ANKRD11: variants seen among roughly 807,000 people sequenced by gnomAD.
ANKRD11 encodes the protein ankyrin repeat domain-containing protein 11.
Under a neutral mutation model 195.7 loss-of-function variants are expected in ANKRD11, and 17 were observed. The observed-to-expected ratio is 0.09, with a 90% CI of 0.06 to 0.13. The LOEUF (loss-of-function observed/expected upper bound fraction) is 0.13, where lower values mean the gene tolerates loss of function less well. Among genes scored for constraint, ANKRD11 ranks in the 10% least tolerant of loss-of-function variants. The pLI, the probability that ANKRD11 is intolerant of heterozygous loss-of-function variation, is 1.00. For synonymous variants in ANKRD11, 1,953 were observed against 1,528.1 expected, an observed-to-expected ratio of 1.28 and a Z score of -6.49; for missense variants, 3,735 against 3,566.1, an observed-to-expected ratio of 1.05 and a Z score of -1.21.
intron 2 of ANKRD11, among the ~76,000 whole-genome samples, chr16:89,409,438 C>T (rs1038189382): frequency 6.6e-6 from 1 of 152,164 alleles, no homozygotes; most frequent in East Asian, 1.9e-4. Context: ...TCCTGTGGGT[C>T]GTCTTGTGCA....
chr16:89,383,426 G>A (rs2040751998), intron 2 of ANKRD11, among the ~76,000 whole-genome samples: 1 of 152,236 alleles, frequency 6.6e-6, no homozygotes, highest in South Asian at 2.1e-4. Context: ...CTGGGAGAAT[G>A]TGAGTTCAGA....
Position 89,291,222 on chromosome 16 carries a change from A to C in ANKRD11, c.227-39T>G, listed in dbSNP as rs368617666. ...GAGGGAGAGAGGGAGGAGAGATTTC[A>C]TGCCATGGTGTCCTCCAAAGCTAGG... is the stretch of plus-strand genomic sequence containing the variant. On this transcript the variant is annotated intron_variant, in intron 4 of 12. Coordinates refer to ENST00000301030, the MANE Select transcript of ANKRD11 (RefSeq NM_013275.6). The surrounding 1 kb of genome is among the most constrained non-coding windows in gnomAD (Gnocchi z 5.3). 1.1e-5 allele frequency: 18 copies of C among 1,608,778 alleles called. No homozygotes were observed. The highest frequency in any genetic ancestry group is 1.4e-5 in the Non-Finnish European group (17 of 1,179,572).
At chr16:89,383,612 C>G (rs570837983) in intron 2 of ANKRD11, among the ~76,000 whole-genome samples, 1 of 152,160 alleles carries the variant, frequency 6.6e-6, no homozygotes, top group South Asian at 2.1e-4. Context: ...CATGGTGTCA[C>G]GTCGAGCCCC....
rs1176834554 is a variant in ANKRD11, at chr16:89,287,826, G to A, written c.744+702C>T. ...GTGGGCTCCAGGACCTCCAGCAATG[G>A]CCAGGCTGGGCTTGCTGCAGAGGAG... On this transcript the variant is annotated intron_variant, in intron 7 of 12. Transcript: ENST00000301030. 10 of 234,122 alleles carry A rather than the reference G, an allele frequency of 4.3e-5. 1 individual carries two copies. The Admixed American group carries it at 5.0e-4, about 12-fold the overall frequency. The allele number at this position is 234,122 out of a possible 1,614,324, so 14.5% of individuals were successfully genotyped here. A position where few individuals can be genotyped will look rare whatever the true frequency, so the allele number is the denominator to read the frequency against.
At position 89,282,778 on chromosome 16, in the gene ANKRD11, T is replaced by A; in HGVS notation, c.3764A>T (p.Lys1255Ile). 6.2e-7 allele frequency: 1 copy of A among 1,612,682 alleles called. No homozygotes were observed. Among genetic ancestry groups the A allele is most frequent in the Non-Finnish European group, 8.5e-7 (1 of 1,180,016 alleles). ...KHAAEDKAKSKHKEKSDKEHS... is the reference protein window; with the variant it reads ...KHAAEDKAKSIHKEKSDKEHS... ...TTCTTTGTCCGACTTCTCTTTGTGT[T>A]TGCTTTTAGCCTTGTCTTCGGCAGC... The change falls in exon 9 of 13, where the codon AAA becomes ATA. Residue 1255 changes from lysine to isoleucine, a missense_variant. Lys to Ile is a moderately radical substitution (Grantham distance 102, BLOSUM62 -3). Coordinates refer to ENST00000301030, the MANE Select transcript of ANKRD11 (RefSeq NM_013275.6).
Position 89,282,678 on chromosome 16 carries a change from A to G in ANKRD11, c.3864T>C (p.Ala1288=). The change falls in exon 9 of 13, where the codon GCT becomes GCC. Residue 1288 remains alanine, a synonymous_variant. Coordinates refer to ENST00000301030, the MANE Select transcript of ANKRD11 (RefSeq NM_013275.6). Reference sequence around the variant, plus strand: ...TGGAGTCTTCTCTGTACTCATGGAGAGCCTCTTCTTCCAACTTTTCAAGCA... The same window carrying G: ...TGGAGTCTTCTCTGTACTCATGGAGGGCCTCTTCTTCCAACTTTTCAAGCA... ...KSLLEKLEEE[A]LHEYREDSND... 6.2e-7 allele frequency: 1 copy of G among 1,613,770 alleles called. No individual in the cohort carries two copies.
rs1220931151 is a variant in ANKRD11 at position 89,280,393 on chromosome 16, G to T, written c.6149C>A (p.Thr2050Asn). Reference protein sequence around the residue: ...GVDAVPAAISTSEAAPYAPPS... With the variant: ...GVDAVPAAISNSEAAPYAPPS... ...AGGGGCGTAGGGAGCCGCCTCTGAGGTGGAGATGGCGGCGGGGACGGCGTC... is the reference window on the plus strand; with the variant it reads ...AGGGGCGTAGGGAGCCGCCTCTGAGTTGGAGATGGCGGCGGGGACGGCGTC... Residue 2050 changes from threonine (T) to asparagine (N), a missense_variant, in exon 9 of 13, where the codon ACC becomes AAC. Physicochemically the swap from Thr to Asn is moderately conservative, Grantham distance 65. Transcript: ENST00000301030. The T allele has an allele frequency of 6.4e-7, 1 of 1,562,368 alleles. No individual in the cohort carries two copies. The highest frequency in any genetic ancestry group is 8.7e-7 in the Non-Finnish European group (1 of 1,154,986).
chr16:89,385,132 T>G (rs2040853317), intron 2 of ANKRD11, among the ~76,000 whole-genome samples: 1 of 151,566 alleles, frequency 6.6e-6, no homozygotes, highest in Non-Finnish European at 1.5e-5. Context: ...GTCCTCCACC[T>G]CCCAAAGTGC....
chr16:89,303,663 G>A (rs2035982429), intron 4 of ANKRD11, among the ~76,000 whole-genome samples: 1 of 152,192 alleles, frequency 6.6e-6, no homozygotes, highest in Admixed American at 6.5e-5. Flanking sequence ...CTCTCTGCTG[G>A]CCTTTCACTC....
At chr16:89,365,712 A>G (rs993824100) in intron 2 of ANKRD11, among the ~76,000 whole-genome samples, 1 of 151,954 alleles carries the variant, frequency 6.6e-6, no homozygotes, top group Non-Finnish European at 1.5e-5. Flanking sequence ...CAGAAACCCA[A>G]CGTTTTTTTT....
chr16:89,365,872 C>G (rs1025326056), intron 2 of ANKRD11, among the ~76,000 whole-genome samples: 3 of 152,038 alleles, frequency 2.0e-5, no homozygotes, highest in Non-Finnish European at 4.4e-5. Context: ...ACCCCCAACC[C>G]TCAAGCAGAC....
At position 89,283,166 on chromosome 16, in the gene ANKRD11, C is replaced by T. The variant is rs1302188767; in HGVS notation, c.3376G>A (p.Asp1126Asn). Residue 1126 changes from aspartate (D) to asparagine (N), a missense_variant, in exon 9 of 13, where the codon GAC becomes AAC. Physicochemically the swap from Asp to Asn is conservative, Grantham distance 23. Coordinates refer to ENST00000301030, the MANE Select transcript of ANKRD11 (RefSeq NM_013275.6). The surrounding 1 kb of genome is among the most constrained non-coding windows in gnomAD (Gnocchi z 4.3). Reference sequence around the variant, plus strand: ...CCGCTCCCCATGCAGCTGTCTCTGTCGTCCTCACTCTCATCTGTGAAGATG... The same window carrying T: ...CCGCTCCCCATGCAGCTGTCTCTGTTGTCCTCACTCTCATCTGTGAAGATG... ...ADIFTDESED[D>N]RDSCMGSGFK... 1.2e-6 allele frequency: 2 copies of T among 1,614,014 alleles called. No homozygotes were observed. Among genetic ancestry groups the T allele is most frequent in the Non-Finnish European group, 1.7e-6 (2 of 1,180,022 alleles).
chr16:89,422,986 CT>C (rs1799249520), intron 1 of ANKRD11, among the ~76,000 whole-genome samples: 1 of 152,200 alleles, frequency 6.6e-6, no homozygotes, highest in Admixed American at 6.5e-5. Flanking sequence ...ATGAGCAATT[CT>C]TTCTGTCCAC....
chr16:89,340,782 G>C (rs2038619453), intron 2 of ANKRD11, among the ~76,000 whole-genome samples: 1 of 152,220 alleles, frequency 6.6e-6, no homozygotes, highest in Admixed American at 6.5e-5. Flanking sequence ...AGGGCCCAGA[G>C]AGCTCTGAAA....
At chr16:89,397,764 T>C (rs560539394) in intron 2 of ANKRD11, among the ~76,000 whole-genome samples, 15 of 152,356 alleles carry the variant, frequency 9.8e-5, no homozygotes, top group African/African-American at 2.2e-4. Flanking sequence ...CATCTTCTGA[T>C]TGACAGGCAA....
intron 2 of ANKRD11, among the ~76,000 whole-genome samples, chr16:89,413,299 C>G (rs2042169213): frequency 6.6e-6 from 1 of 152,098 alleles, no homozygotes; most frequent in Non-Finnish European, 1.5e-5. Flanking sequence ...TATGGTGTTA[C>G]CTGTTTCTAA....
chr16:89,319,491 C>A (rs2037171461), intron 2 of ANKRD11, among the ~76,000 whole-genome samples: 1 of 152,232 alleles, frequency 6.6e-6, no homozygotes, highest in Admixed American at 6.5e-5. Flanking sequence ...AGACGTTTCT[C>A]CAGCCACCTG....
chr16:89,321,705 A>C (rs376080609), intron 2 of ANKRD11, among the ~76,000 whole-genome samples: 2 of 152,146 alleles, frequency 1.3e-5, no homozygotes, highest in South Asian at 4.1e-4. Context: ...ACTCACAGAA[A>C]AAAAAAAAGA....
chr16:89,286,565 G>A (rs1399141536), intron 7 of ANKRD11: 7 of 813,692 alleles, frequency 8.6e-6, no homozygotes, highest in Non-Finnish European at 1.2e-5. Flanking sequence ...CAGCAGAGTG[G>A]TGCCGGAGTG....
Sources: allele counts gnomAD v4.1 joint callset (sites outside exome capture counted in the v4.1 genomes callset), GRCh38; gene constraint gnomAD v4.1.1; non-coding constraint Gnocchi (gnomAD v3.1); transcripts MANE v1.5; gene names NCBI Gene and HGNC (gene_info 2026-07-23, HGNC 2026-07-21).